Variants in PPP2R5E observed in about 807,000 individuals in gnomAD.
PPP2R5E encodes the protein protein phosphatase 2 regulatory subunit B'epsilon.
Under a neutral mutation model 65.3 loss-of-function variants are expected in PPP2R5E, and 4 were observed. The observed-to-expected ratio is 0.06, with a 90% CI of 0.03 to 0.14. The LOEUF is 0.14. Among genes scored for constraint, PPP2R5E ranks in the 10% least tolerant of loss-of-function variants. The pLI is 1.00. For missense variants in PPP2R5E, 274 were observed against 556.1 expected (o/e 0.49, Z 5.10); for synonymous variants, 183 against 187.4 (o/e 0.98, Z 0.19).
intron 3 of PPP2R5E, among the ~76,000 whole-genome samples, chr14:63,424,013 T>C (rs1309300326): frequency 1.3e-5 from 2 of 151,914 alleles, no homozygotes; most frequent in African/African-American, 4.8e-5. Flanking sequence ...AAAAAATCAC[T>C]CCAACAGCTA....
intron 2 of PPP2R5E, among the ~76,000 whole-genome samples, chr14:63,495,417 C>CAAAAAAAAAAAAAAAAAA (rs772700927): frequency 5.4e-5 from 5 of 93,220 alleles, no homozygotes; most frequent in African/African-American, 1.1e-4. Context: ...ACTAAAAATA[C>CAAAAAAAAAAAAAAAAAA]AAAAAAAAAA....
intron 2 of PPP2R5E, among the ~76,000 whole-genome samples, chr14:63,466,580 T>G (rs908683536): frequency 1.3e-5 from 2 of 152,206 alleles, no homozygotes; most frequent in Non-Finnish European, 2.9e-5. Flanking sequence ...TTAATATAGT[T>G]AAATACAAAT....
intron 2 of PPP2R5E, among the ~76,000 whole-genome samples, chr14:63,474,859 AAGG>A (rs897773415): frequency 6.6e-6 from 1 of 152,182 alleles, no homozygotes; most frequent in African/African-American, 2.4e-5. Flanking sequence ...AGTGAAGCAG[AAGG>A]AGCTCTGAAG....
At chr14:63,392,147 C>A (rs1885059370) in intron 8 of PPP2R5E, 122 bp from the exon 9 acceptor site, 1 of 619,472 alleles carries the variant, frequency 1.6e-6, no homozygotes. Flanking sequence ...ACATTCAATT[C>A]ATTTTAATTA....
At chr14:63,464,747 C>A (rs551490177) in intron 2 of PPP2R5E, among the ~76,000 whole-genome samples, 5 of 152,170 alleles carry the variant, frequency 3.3e-5, no homozygotes, top group African/African-American at 1.2e-4. Context: ...TCTGGCCAGG[C>A]ACGGTGGCTC....
intron 5 of PPP2R5E, among the ~76,000 whole-genome samples, chr14:63,413,330 C>T (rs953033504): frequency 6.6e-6 from 1 of 152,170 alleles, no homozygotes; most frequent in South Asian, 2.1e-4. Flanking sequence ...ACTATCTGAT[C>T]CTCTTAGGCA....
At chr14:63,491,354 G>C (rs774449807) in intron 2 of PPP2R5E, among the ~76,000 whole-genome samples, 15 of 151,708 alleles carry the variant, frequency 9.9e-5, no homozygotes, top group African/African-American at 2.9e-4. Flanking sequence ...AAACCTGTAC[G>C]TGGACTCCCT....
At position 63,519,775 on chromosome 14, in the gene PPP2R5E, C is replaced by T. The variant is rs570956571; in HGVS notation, c.157+19754G>A. Among the ~76,000 whole-genome samples the T allele has an allele frequency of 3.3e-5, 5 of 151,696 alleles. No individual in the cohort carries two copies. The East Asian group carries it at 7.8e-4, about 24-fold the overall frequency. On this transcript the variant is annotated intron_variant, in intron 2 of 13. Transcript: ENST00000337537. ...TTCCTGGATTCAAGCAATTCTCCTG[C>T]CTCAGCCTCCCGAGTAGCTGGGATT...
chr14:63,508,308 T>A, intron 2 of PPP2R5E: 1 of 704,426 alleles, frequency 1.4e-6, no homozygotes, highest in Non-Finnish European at 1.7e-6. Flanking sequence ...TGCCTGTCAC[T>A]CTTTGTTCTG....
At chr14:63,408,912 T>G (rs999865076) in intron 5 of PPP2R5E, among the ~76,000 whole-genome samples, 4 of 152,142 alleles carry the variant, frequency 2.6e-5, no homozygotes, top group Admixed American at 1.3e-4. Flanking sequence ...CTGGCCAACA[T>G]GGTGAAACCA....
At chr14:63,429,577 G>T (rs188069331) in intron 3 of PPP2R5E, among the ~76,000 whole-genome samples, 1 of 152,206 alleles carries the variant, frequency 6.6e-6, no homozygotes, top group East Asian at 1.9e-4. Flanking sequence ...TTATGCATTA[G>T]AAAGAAACCA....
At chr14:63,457,740 G>A (rs1017087886) in intron 2 of PPP2R5E, among the ~76,000 whole-genome samples, 13 of 152,060 alleles carry the variant, frequency 8.5e-5, no homozygotes, top group African/African-American at 3.1e-4. Flanking sequence ...AAGGTCACTG[G>A]CACAATGACT....
chr14:63,399,517 T>A (rs932984203), intron 5 of PPP2R5E, among the ~76,000 whole-genome samples: 1 of 151,918 alleles, frequency 6.6e-6, no homozygotes, highest in African/African-American at 2.4e-5. Flanking sequence ...GGGTCTGGAT[T>A]TCTTTGAGGG....
At position 63,438,310 on chromosome 14, in the gene PPP2R5E, T is replaced by C. The variant is rs867419893; in HGVS notation, c.354+15379A>G. 3.9e-5 allele frequency among the ~76,000 whole-genome samples: 6 copies of C among 152,328 alleles called. No individual in the cohort carries two copies. The South Asian group carries it at 6.2e-4, about 16-fold the overall frequency. ...CTCTTTCATTTCTGTGTCTCCTCAG[T>C]AGAGAGACAGCCAAATCATACAAAC... On this transcript the variant is annotated intron_variant, in intron 3 of 13. Coordinates refer to ENST00000337537, the MANE Select transcript of PPP2R5E (RefSeq NM_006246.5).
intron 3 of PPP2R5E, among the ~76,000 whole-genome samples, chr14:63,425,571 T>C (rs1407412230): frequency 6.6e-6 from 1 of 152,230 alleles, no homozygotes; most frequent in Non-Finnish European, 1.5e-5. Context: ...TCTCTTCCTT[T>C]GTACTCCTGG....
rs1459255307 is a variant in PPP2R5E at position 63,466,190 on chromosome 14, T to C, written c.158-12305A>G. ...GAATAAAATGAACCTGCAGCTATTTTAACAGCCCACTTATCTGTTAATTCA... is the reference window on the plus strand; with the variant it reads ...GAATAAAATGAACCTGCAGCTATTTCAACAGCCCACTTATCTGTTAATTCA... On this transcript the variant is annotated intron_variant, in intron 2 of 13. Transcript: ENST00000337537. 1.1e-4 allele frequency among the ~76,000 whole-genome samples: 16 copies of C among 148,678 alleles called. No homozygotes were observed. In the Admixed American group the frequency reaches 1.1e-3, roughly 10 times the overall value.
intron 2 of PPP2R5E, among the ~76,000 whole-genome samples, chr14:63,531,598 C>T (rs1337929081): frequency 6.6e-6 from 1 of 152,100 alleles, no homozygotes; most frequent in Non-Finnish European, 1.5e-5. Flanking sequence ...TGAACTTTAA[C>T]ATCTATTAAC....
rs1157357885 is a variant in PPP2R5E, at chr14:63,474,673, C to CAAA, written c.158-20791_158-20789dup. The stretch of plus-strand genomic sequence containing the variant: ...TGGGCAATAGAGTGATACCCCATCT[C>CAAA]AAAAAAAAAAAAAAAAAAAAAAAAA... On this transcript the variant is annotated intron_variant, in intron 2 of 13. Transcript: ENST00000337537. Among the ~76,000 whole-genome samples, 22 of 27,714 alleles carry CAAA rather than the reference C, an allele frequency of 7.9e-4. 3 individuals carry two copies. The highest frequency in any genetic ancestry group is 1.6e-3 in the African/African-American group (16 of 10,104). The allele number at this position is 27,714 out of a possible 152,430, so 18.2% of individuals were successfully genotyped here.
At chr14:63,461,063 T>C (rs138470395) in intron 2 of PPP2R5E, among the ~76,000 whole-genome samples, 1 of 152,278 alleles carries the variant, frequency 6.6e-6, no homozygotes, top group African/African-American at 2.4e-5. Context: ...AACTCCTCAT[T>C]AGAGGTTTAA....
Sources: allele counts gnomAD v4.1 joint callset (sites outside exome capture counted in the v4.1 genomes callset), GRCh38; gene constraint gnomAD v4.1.1; transcripts MANE v1.5; gene names NCBI Gene and HGNC (gene_info 2026-07-23, HGNC 2026-07-21).